Variants in KIAA1958 observed in about 807,000 individuals in gnomAD.
KIAA1958 encodes uncharacterized protein KIAA1958.
In KIAA1958, 14 loss-of-function variants were observed where a neutral mutation model predicts 47.2. That is an observed-to-expected ratio of 0.30 (90% CI 0.20 to 0.46). The LOEUF (loss-of-function observed/expected upper bound fraction) is 0.46, where lower values mean the gene tolerates loss of function less well. KIAA1958 is among the 20% of genes least tolerant of loss of function. KIAA1958 has a pLI of 1.00. For synonymous variants in KIAA1958, 354 were observed against 353.3 expected, an observed-to-expected ratio of 1.00 and a Z score of -0.02; for missense variants, 803 against 909.2, an observed-to-expected ratio of 0.88 and a Z score of 1.50.
intron 2 of KIAA1958, among the ~76,000 whole-genome samples, chr9:112,633,239 A>G (rs1244235997): frequency 6.7e-5 from 10 of 150,344 alleles, no homozygotes; most frequent in Non-Finnish European, 1.5e-4. Context: ...CCTCCCAATT[A>G]TATTTGAAAT....
rs1220943145 is a variant in KIAA1958, at chr9:112,487,039, G to A, written c.-104G>A. Reference sequence around the variant, plus strand: ...CCCTCGCGCCCCTTCGGCCCGTCCCGTCCAGCCCGGGCTGCCCGGCTCTCG... The same window carrying A: ...CCCTCGCGCCCCTTCGGCCCGTCCCATCCAGCCCGGGCTGCCCGGCTCTCG... On this transcript the variant is annotated 5_prime_UTR_variant, in exon 1 of 4. Transcript: ENST00000337530. The A allele has an allele frequency of 4.7e-6, 1 of 211,920 alleles. No homozygotes were observed. 13.1% of individuals were successfully genotyped at this position (211,920 alleles called of 1,614,324 possible). A position where few individuals can be genotyped will look rare whatever the true frequency, so the allele number is the denominator to read the frequency against.
Position 112,617,858 on chromosome 9 carries a change from C to A in KIAA1958, c.1172-27792C>A, listed in dbSNP as rs1177560312. On this transcript the variant is annotated intron_variant, in intron 2 of 3. Transcript: ENST00000337530. ...AACACCCTCTCTATCCCTCCCCCCC[C>A]AATTTGTTGCAGACCAGGATGAAAG... The A allele has an allele frequency of 5.2e-6, 8 of 1,537,976 alleles. No individual in the cohort carries two copies. The South Asian group carries it at 7.3e-5, about 14-fold the overall frequency.
At chr9:112,623,263 G>A (rs1836542436) in intron 2 of KIAA1958, among the ~76,000 whole-genome samples, 1 of 152,148 alleles carries the variant, frequency 6.6e-6, no homozygotes, top group East Asian at 1.9e-4. Context: ...TGTACTGAGT[G>A]CTTTATAAGT....
At chr9:112,502,959 C>T (rs1227113598) in intron 1 of KIAA1958, among the ~76,000 whole-genome samples, 2 of 152,120 alleles carry the variant, frequency 1.3e-5, no homozygotes, top group Non-Finnish European at 2.9e-5. Flanking sequence ...GACTGTTTAA[C>T]CAACAAATAT....
At chr9:112,542,637 T>C (rs1175990792) in intron 1 of KIAA1958, among the ~76,000 whole-genome samples, 1 of 152,240 alleles carries the variant, frequency 6.6e-6, no homozygotes, top group Non-Finnish European at 1.5e-5. Context: ...TGAATTGATC[T>C]ATTTATGAAT....
At chr9:112,591,129 G>T (rs1315419999) in intron 2 of KIAA1958, among the ~76,000 whole-genome samples, 2 of 152,126 alleles carry the variant, frequency 1.3e-5, no homozygotes, top group South Asian at 2.1e-4. Context: ...TGTCGCCCAG[G>T]CTGGAGTGCT....
chr9:112,636,329 A>G (rs1299883856), intron 2 of KIAA1958, among the ~76,000 whole-genome samples: 3 of 152,034 alleles, frequency 2.0e-5, no homozygotes, highest in Admixed American at 1.3e-4. Context: ...TAAAAGTGAC[A>G]TACAAACTTG....
intron 1 of KIAA1958, among the ~76,000 whole-genome samples, chr9:112,538,594 G>A (rs1834892619): frequency 3.3e-5 from 5 of 152,092 alleles, no homozygotes; most frequent in Admixed American, 2.6e-4. Context: ...CTGATAAGGG[G>A]CACAATTTAT....
chr9:112,574,544 A>G lies in KIAA1958; in HGVS notation c.464A>G (p.Asp155Gly). 6 of 1,614,182 alleles carry G rather than the reference A, an allele frequency of 3.7e-6. No individual in the cohort carries two copies. The highest frequency in any genetic ancestry group is 5.1e-6 in the Non-Finnish European group (6 of 1,180,028). The change falls in exon 2 of 4, where the codon GAT becomes GGT. Residue 155 changes from aspartate (D) to glycine (G), a missense_variant. Around this residue, in one of 2 missense-constraint regions of KIAA1958, gnomAD observed 761 missense variants for 829.3 expected, o/e 0.92. Coordinates refer to ENST00000337530, the MANE Select transcript of KIAA1958 (RefSeq NM_133465.4). ...ATGGTTTGTGAGTCTTCTGTTACAG[A>G]TGAGGATAGTGACTTTGAACCCCAA... ...FDMVCESSVT[D>G]EDSDFEPQTQ...
chr9:112,630,842 G>C (rs1478663179), intron 2 of KIAA1958, among the ~76,000 whole-genome samples: 1 of 152,150 alleles, frequency 6.6e-6, no homozygotes, highest in Non-Finnish European at 1.5e-5. Flanking sequence ...ATTCCAAATA[G>C]AAACAATGAC....
At chr9:112,496,231 C>T (rs907114982) in intron 1 of KIAA1958, among the ~76,000 whole-genome samples, 1 of 152,094 alleles carries the variant, frequency 6.6e-6, no homozygotes, top group African/African-American at 2.4e-5. Context: ...TACTGTAGAT[C>T]GATGAGAATG....
intron 1 of KIAA1958, among the ~76,000 whole-genome samples, chr9:112,487,717 C>T (rs1279662516): frequency 2.0e-5 from 3 of 152,070 alleles, no homozygotes; most frequent in Non-Finnish European, 4.4e-5. Context: ...CTCTTCCGCC[C>T]CCCCACCCCC....
intron 2 of KIAA1958, among the ~76,000 whole-genome samples, chr9:112,577,120 A>C (rs1361884318): frequency 6.6e-6 from 1 of 152,126 alleles, no homozygotes; most frequent in Non-Finnish European, 1.5e-5. Context: ...GATTTTTTTC[A>C]TGTGCTTGTT....
chr9:112,529,991 C>T (rs1484688031), intron 1 of KIAA1958, among the ~76,000 whole-genome samples: 1 of 152,070 alleles, frequency 6.6e-6, no homozygotes, highest in Non-Finnish European at 1.5e-5. Flanking sequence ...CTATAGGCGC[C>T]CGCCACCACG....
intron 2 of KIAA1958, chr9:112,582,412 A>T (rs1835751309): frequency 6.5e-6 from 1 of 152,784 alleles, no homozygotes; most frequent in Admixed American, 6.5e-5. Context: ...TTTTAAAGAA[A>T]CAGTTGTTAG....
At chr9:112,628,423 A>G (rs1001049494) in intron 2 of KIAA1958, among the ~76,000 whole-genome samples, 1 of 152,224 alleles carries the variant, frequency 6.6e-6, no homozygotes, top group South Asian at 2.1e-4. Flanking sequence ...TCTCTAGAAT[A>G]TGCTGTAGAC....
intron 1 of KIAA1958, among the ~76,000 whole-genome samples, chr9:112,522,431 C>T (rs1375174308): frequency 6.6e-6 from 1 of 152,212 alleles, no homozygotes; most frequent in Non-Finnish European, 1.5e-5. Flanking sequence ...TCTCTTCCAC[C>T]TCTAAGTAGC....
chr9:112,616,485 G>A (rs955962762), intron 2 of KIAA1958, among the ~76,000 whole-genome samples: 3 of 152,070 alleles, frequency 2.0e-5, no homozygotes, highest in Non-Finnish European at 4.4e-5. Flanking sequence ...AAAGACTTCC[G>A]CTAAGCAGTC....
intron 1 of KIAA1958, among the ~76,000 whole-genome samples, chr9:112,518,420 A>G (rs540604634): frequency 9.2e-5 from 14 of 152,356 alleles, no homozygotes; most frequent in African/African-American, 3.4e-4. Context: ...AACAATATAG[A>G]TTAATCTCAA....
Sources: gnomAD v4.1 joint callset for allele counts (sites outside exome capture counted in the v4.1 genomes callset) on GRCh38, gnomAD v4.1.1 for gene constraint, gnomAD v4.1.1 regional missense constraint, MANE v1.5 for transcripts, NCBI Gene and HGNC (gene_info 2026-07-23, HGNC 2026-07-21) for gene names.